The following LRBA variants were observed in gnomAD, a reference collection of about 807,000 sequenced individuals.
The protein encoded by LRBA is LPS responsive beige-like anchor protein.
Under a neutral mutation model 330.0 loss-of-function variants are expected in LRBA, and 176 were observed. That is an observed-to-expected ratio of 0.53 (90% CI 0.47 to 0.60). LRBA has a LOEUF of 0.60. Among genes scored for constraint, LRBA ranks in the 20% least tolerant of loss-of-function variants. LRBA has a pLI of 0.00. For missense variants in LRBA, 3,259 were observed against 3,444.8 expected (o/e 0.95, Z 1.35); for synonymous variants, 1,230 against 1,193.0 (o/e 1.03, Z -0.64).
At chr4:150,535,464 A>T (rs1236930228) in intron 40 of LRBA, among the ~76,000 whole-genome samples, 1 of 152,040 alleles carries the variant, frequency 6.6e-6, no homozygotes, top group African/African-American at 2.4e-5. Context: ...TGTTTCACTC[A>T]TTTTTCTTGA....
intron 2 of LRBA, among the ~76,000 whole-genome samples, chr4:151,011,831 T>C (rs1041306340): frequency 5.9e-5 from 9 of 151,816 alleles, no homozygotes; most frequent in Non-Finnish European, 1.2e-4. Flanking sequence ...TATGCCACCA[T>C]GCCCAGCTAA....
chr4:150,798,763 ACC>A (rs1741159009), intron 33 of LRBA, among the ~76,000 whole-genome samples: 1 of 152,160 alleles, frequency 6.6e-6, no homozygotes, highest in African/African-American at 2.4e-5. Context: ...TATAATTAAT[ACC>A]TATTTAAAGA....
chr4:150,795,826 T>C (rs1740698786), intron 34 of LRBA, among the ~76,000 whole-genome samples: 1 of 152,044 alleles, frequency 6.6e-6, no homozygotes, highest in South Asian at 2.1e-4. Flanking sequence ...AGGCTCTAAA[T>C]TCTCTTTTAC....
chr4:150,674,804 G>A (rs1165986208), intron 37 of LRBA, among the ~76,000 whole-genome samples: 1 of 152,150 alleles, frequency 6.6e-6, no homozygotes, highest in Non-Finnish European at 1.5e-5. Flanking sequence ...GAGCCCTGGA[G>A]GTCAGGGCTT....
chr4:150,815,959 G>GT (rs1384500011), intron 31 of LRBA, among the ~76,000 whole-genome samples: 8 of 151,878 alleles, frequency 5.3e-5, no homozygotes, highest in Non-Finnish European at 1.2e-4. Flanking sequence ...CTTATAAAAT[G>GT]TATTTTTGTT....
chr4:150,923,062 T>C (rs1431760287), intron 4 of LRBA, among the ~76,000 whole-genome samples: 2 of 151,786 alleles, frequency 1.3e-5, no homozygotes, highest in Non-Finnish European at 2.9e-5. Context: ...GAAAAGAATG[T>C]AAATCGAAAG....
intron 2 of LRBA, among the ~76,000 whole-genome samples, chr4:150,993,046 C>T (rs1162491318): frequency 6.6e-6 from 1 of 152,002 alleles, no homozygotes; most frequent in East Asian, 1.9e-4. Context: ...CTTTGGGAAG[C>T]CAAGGCAGGA....
intron 28 of LRBA, among the ~76,000 whole-genome samples, chr4:150,839,063 A>G (rs577810867): frequency 6.6e-6 from 1 of 152,332 alleles, no homozygotes; most frequent in East Asian, 1.9e-4. Flanking sequence ...CAACCCCATC[A>G]AAAAGTGGGC....
intron 40 of LRBA, among the ~76,000 whole-genome samples, chr4:150,513,495 T>C (rs139609232): frequency 4.6e-5 from 7 of 152,270 alleles, no homozygotes; most frequent in South Asian, 2.1e-4. Context: ...TGGGTCCTCA[T>C]TGGGAACACA....
chr4:150,873,984 T>A (rs1379641917), intron 17 of LRBA, among the ~76,000 whole-genome samples: 1 of 152,208 alleles, frequency 6.6e-6, no homozygotes, highest in Non-Finnish European at 1.5e-5. Context: ...AGTCAATCAT[T>A]AGGAAAATAC....
chr4:150,713,377 G>C (rs910239105), intron 36 of LRBA, among the ~76,000 whole-genome samples: 4 of 152,100 alleles, frequency 2.6e-5, no homozygotes, highest in Non-Finnish European at 5.9e-5. Context: ...AGGAAAGTTG[G>C]CATATTACAT....
chr4:150,397,661 T>A (rs1355625038), intron 47 of LRBA, among the ~76,000 whole-genome samples: 3 of 152,198 alleles, frequency 2.0e-5, no homozygotes. Context: ...AATTTTATCA[T>A]AGGAAGTATA....
intron 2 of LRBA, among the ~76,000 whole-genome samples, chr4:150,965,521 A>T (rs1029294977): frequency 2.5e-4 from 38 of 152,236 alleles, no homozygotes; most frequent in African/African-American, 8.9e-4. Context: ...TCGTCTATAT[A>T]TCAATCATTC....
At chr4:150,661,257 G>A in intron 37 of LRBA, among the ~76,000 whole-genome samples, 1 of 151,446 alleles carries the variant, frequency 6.6e-6, no homozygotes, top group Non-Finnish European at 1.5e-5. Flanking sequence ...AATCACCTGA[G>A]GTCAGGAGTT....
chr4:150,824,882 C>A (rs1161734896), intron 30 of LRBA, among the ~76,000 whole-genome samples: 1 of 152,112 alleles, frequency 6.6e-6, no homozygotes, highest in East Asian at 1.9e-4. Context: ...TCCAGTGATC[C>A]TCCCGCCTCA....
chr4:150,331,067 A>G (rs1034544161), intron 48 of LRBA, among the ~76,000 whole-genome samples: 2 of 151,976 alleles, frequency 1.3e-5, no homozygotes, highest in African/African-American at 4.8e-5. Flanking sequence ...AGTAATTCTC[A>G]TTTCTTCAGA....
intron 44 of LRBA, among the ~76,000 whole-genome samples, chr4:150,438,959 A>G (rs1751482734): frequency 6.6e-6 from 1 of 152,170 alleles, no homozygotes; most frequent in Admixed American, 6.5e-5. Flanking sequence ...GCTATCTTTT[A>G]AAGCATTAGT....
intron 7 of LRBA, 106 bp downstream of exon 7, chr4:150,916,295 A>T (rs1481520926): frequency 2.7e-6 from 3 of 1,123,678 alleles, no homozygotes; most frequent in African/African-American, 3.1e-5. Flanking sequence ...AACAGTAAAA[A>T]CGAAGTTGTG....
intron 37 of LRBA, among the ~76,000 whole-genome samples, chr4:150,658,036 G>A (rs1163270989): frequency 6.6e-6 from 1 of 152,092 alleles, no homozygotes; most frequent in African/African-American, 2.4e-5. Flanking sequence ...TACACTGCCT[G>A]AGATTGTAAC....
Sources: gnomAD v4.1 joint callset for allele counts (sites outside exome capture counted in the v4.1 genomes callset) on GRCh38, gnomAD v4.1.1 for gene constraint, MANE v1.5 for transcripts, NCBI Gene and HGNC (gene_info 2026-07-23, HGNC 2026-07-21) for gene names.